Variants in SEMA4D observed in about 807,000 individuals in gnomAD.
The protein encoded by SEMA4D is semaphorin-4D.
Under a neutral mutation model 74.8 loss-of-function variants are expected in SEMA4D, and 22 were observed. The observed-to-expected ratio is 0.29, with a 90% confidence interval of 0.21 to 0.42. The LOEUF (loss-of-function observed/expected upper bound fraction) is 0.42, where lower values mean the gene tolerates loss of function less well. Ranked by LOEUF, SEMA4D falls within the 10% of genes least tolerant of loss-of-function variation. SEMA4D has a pLI of 1.00. For missense variants in SEMA4D, 937 were observed against 1,118.4 expected (o/e 0.84, Z 2.31); for synonymous variants, 445 against 463.7 (o/e 0.96, Z 0.52).
intron 1 of SEMA4D, chr9:89,479,932 C>T (rs1489506428): frequency 2.0e-5 from 3 of 152,280 alleles, no homozygotes; most frequent in Non-Finnish European, 2.9e-5. Context: ...CTTATCTGGC[C>T]CCACCCACAT....
intron 13 of SEMA4D, chr9:89,385,920 GA>G: frequency 9.3e-6 from 9 of 965,588 alleles, no homozygotes; most frequent in Non-Finnish European, 1.1e-5. Flanking sequence ...GGCCAGACCA[GA>G]GTCTCAGCCA....
At chr9:89,396,959 G>A in intron 5 of SEMA4D, 124 bp from the exon 6 acceptor site, 2 of 832,634 alleles carry the variant, frequency 2.4e-6, no homozygotes, top group Non-Finnish European at 3.9e-6. Context: ...CTCACAGGTG[G>A]CCCCAGGCCA....
At chr9:89,443,669 C>G (rs1852185114) in intron 2 of SEMA4D, among the ~76,000 whole-genome samples, 1 of 152,240 alleles carries the variant, frequency 6.6e-6, no homozygotes, top group Non-Finnish European at 1.5e-5. Flanking sequence ...CAGGACCTGG[C>G]TGCCTCCTGT....
intron 1 of SEMA4D, among the ~76,000 whole-genome samples, chr9:89,496,302 A>G (rs754358622): frequency 9.8e-5 from 15 of 152,292 alleles, no homozygotes; most frequent in Non-Finnish European, 2.1e-4. Flanking sequence ...TTGGGCTGGC[A>G]TGGCAGCTGG....
intron 2 of SEMA4D, among the ~76,000 whole-genome samples, chr9:89,431,307 T>C (rs927133541): frequency 6.6e-6 from 1 of 152,214 alleles, no homozygotes; most frequent in African/African-American, 2.4e-5. Context: ...CAGGGCTGGC[T>C]AGAACACCAC....
At position 89,379,412 on chromosome 9, in the gene SEMA4D, C is replaced by T. The variant is rs969985332; in HGVS notation, c.1881G>A (p.Glu627=). 5 of 1,614,092 alleles carry T rather than the reference C, an allele frequency of 3.1e-6. No homozygotes were observed. The Admixed American group carries it at 8.3e-5, about 27-fold the overall frequency. ...GDSGVYQCLS[E]ERVKNKTVFQ... ...AGACCGTTTTGTTCTTAACCCTCTCCTCTGACAGGCACTGGTACACCCCAC... is the reference window on the plus strand; with the variant it reads ...AGACCGTTTTGTTCTTAACCCTCTCTTCTGACAGGCACTGGTACACCCCAC... The change falls in exon 16 of 16, where the codon GAG becomes GAA. Residue 627 remains glutamate, a synonymous_variant. Transcript: ENST00000422704.
chr9:89,439,257 G>A (rs982764040), intron 2 of SEMA4D, among the ~76,000 whole-genome samples: 2 of 152,154 alleles, frequency 1.3e-5, no homozygotes, highest in African/African-American at 4.8e-5. Flanking sequence ...TGGGATTACA[G>A]GCATGAGCCA....
At chr9:89,379,736 A>C (rs1459098160) in intron 15 of SEMA4D, 107 bp from the exon 16 acceptor site, 1 of 1,297,628 alleles carries the variant, frequency 7.7e-7, no homozygotes, top group Non-Finnish European at 1.1e-6. Flanking sequence ...CCACTGTAGC[A>C]ACATGGAATC....
At chr9:89,471,543 T>A (rs985383540) in intron 1 of SEMA4D, among the ~76,000 whole-genome samples, 7 of 152,248 alleles carry the variant, frequency 4.6e-5, no homozygotes, top group Middle Eastern at 3.2e-3. Flanking sequence ...ATGTCAGATG[T>A]TCACAATCTT....
intron 2 of SEMA4D, among the ~76,000 whole-genome samples, chr9:89,454,655 TGA>T (rs1855498063): frequency 6.6e-6 from 1 of 152,210 alleles, no homozygotes; most frequent in South Asian, 2.1e-4. Flanking sequence ...CCACACCCAG[TGA>T]GAGTGTCAAA....
At chr9:89,376,970 G>A, downstream of SEMA4D, 1 of 1,550,554 alleles carries the variant, frequency 6.4e-7, no homozygotes, top group Non-Finnish European at 8.7e-7. Context: ...GGTCCAGGGA[G>A]AGGAAAGCCT....
intron 1 of SEMA4D, among the ~76,000 whole-genome samples, chr9:89,475,897 A>G (rs529019816): frequency 6.6e-6 from 1 of 152,352 alleles, no homozygotes; most frequent in African/African-American, 2.4e-5. Context: ...AAATGCCTCT[A>G]GCATGTCCAA....
intron 2 of SEMA4D, among the ~76,000 whole-genome samples, chr9:89,455,198 C>G (rs1855635079): frequency 6.6e-6 from 1 of 152,272 alleles, no homozygotes; most frequent in Non-Finnish European, 1.5e-5. Flanking sequence ...CACATGCTGT[C>G]TGTGACAGGG....
At chr9:89,372,832 C>G (rs1345913282), downstream of SEMA4D, among the ~76,000 whole-genome samples, 1 of 151,996 alleles carries the variant, frequency 6.6e-6, no homozygotes, top group Non-Finnish European at 1.5e-5. Flanking sequence ...TATGACACCC[C>G]TAGGGTGTCC....
At chr9:89,379,919 A>G (rs1430130616) in intron 15 of SEMA4D, among the ~76,000 whole-genome samples, 1 of 152,240 alleles carries the variant, frequency 6.6e-6, no homozygotes, top group Non-Finnish European at 1.5e-5. Context: ...AGCAGAGGCC[A>G]GTTCTGTGCC....
chr9:89,388,183 C>T (rs1286048988), intron 11 of SEMA4D, among the ~76,000 whole-genome samples: 1 of 152,182 alleles, frequency 6.6e-6, no homozygotes, highest in African/African-American at 2.4e-5. Context: ...CACAGCCCCA[C>T]AGAGGGCTGT....
intron 1 of SEMA4D, among the ~76,000 whole-genome samples, chr9:89,466,026 T>C (rs575214417): frequency 6.6e-6 from 1 of 152,266 alleles, no homozygotes; most frequent in East Asian, 1.9e-4. Context: ...ACTGGAGCAC[T>C]GGGGCTTGAG....
At chr9:89,361,462 A>G (rs957625658) in exon 19 of SEMA4D, 2 of 152,228 alleles carry the variant, frequency 1.3e-5, no homozygotes, top group South Asian at 2.1e-4. Flanking sequence ...TCAACAGACA[A>G]GAAGAGACGT....
intron 1 of SEMA4D, among the ~76,000 whole-genome samples, chr9:89,461,180 G>GA (rs995883328): frequency 2.0e-5 from 3 of 152,110 alleles, no homozygotes; most frequent in African/African-American, 7.2e-5. Context: ...AAAATGACCA[G>GA]AAAAAATAAT....
Sources: gnomAD v4.1 joint callset for allele counts (sites outside exome capture counted in the v4.1 genomes callset) on GRCh38, gnomAD v4.1.1 for gene constraint, MANE v1.5 for transcripts, NCBI Gene and HGNC (gene_info 2026-07-23, HGNC 2026-07-21) for gene names.